The following PRKDC variants were observed in gnomAD, a reference collection of about 807,000 sequenced individuals.
The protein encoded by PRKDC is protein kinase, DNA-activated, catalytic subunit.
PRKDC carries 82 observed loss-of-function variants against 486.9 expected under a neutral mutation model. The ratio of observed to expected loss-of-function variants is 0.17; its 90% CI spans 0.14 to 0.20. The LOEUF (loss-of-function observed/expected upper bound fraction) is 0.20. Among genes scored for constraint, PRKDC ranks in the 10% least tolerant of loss-of-function variants. PRKDC has a pLI of 1.00. For synonymous variants in PRKDC, 1,895 were observed against 1,837.0 expected, an observed-to-expected ratio of 1.03 and a Z score of -0.81; for missense variants, 4,504 against 5,038.2, an observed-to-expected ratio of 0.89 and a Z score of 3.21.
chr8:47,807,109 A>G, intron 69 of PRKDC, 28 bp downstream of exon 69: 1 of 1,600,580 alleles, frequency 6.2e-7, no homozygotes, highest in Non-Finnish European at 8.5e-7. Flanking sequence ...CCTGTGACAC[A>G]GCAGGGAGGA....
intron 77 of PRKDC, among the ~76,000 whole-genome samples, chr8:47,784,401 G>A (rs1331052062): frequency 1.3e-5 from 2 of 152,158 alleles, no homozygotes; most frequent in African/African-American, 4.8e-5. Context: ...AGCTGCATAT[G>A]ACAAGGCTGA....
At chr8:47,785,028 T>A in intron 77 of PRKDC, 85 bp downstream of exon 77, 30 of 1,267,244 alleles carry the variant, frequency 2.4e-5, no homozygotes, top group Non-Finnish European at 3.4e-5. Context: ...AATATCCCAG[T>A]ATCACTATTC....
chr8:47,834,595 T>C (rs1303787553), intron 58 of PRKDC, among the ~76,000 whole-genome samples, 199 bp from the exon 59 acceptor site: 2 of 152,124 alleles, frequency 1.3e-5, no homozygotes, highest in Non-Finnish European at 2.9e-5. Context: ...TGGACCGCAG[T>C]GTCCCCATTT....
At chr8:47,800,175 A>C (rs1419000766) in intron 71 of PRKDC, among the ~76,000 whole-genome samples, 1 of 152,094 alleles carries the variant, frequency 6.6e-6, no homozygotes, top group Non-Finnish European at 1.5e-5. Context: ...TTATTGCGGC[A>C]CTATTCACAA....
intron 14 of PRKDC, 87 bp from the exon 15 acceptor site, chr8:47,934,177 C>A: frequency 7.1e-7 from 1 of 1,413,532 alleles, no homozygotes; most frequent in South Asian, 1.5e-5. Flanking sequence ...TCAGAATTTT[C>A]TAAATTAAAC....
At chr8:47,897,323 T>C (rs924856054) in intron 29 of PRKDC, 29 bp from the exon 30 acceptor site, 6 of 1,525,304 alleles carry the variant, frequency 3.9e-6, no homozygotes, top group Non-Finnish European at 5.3e-6. Context: ...CTGTCATTAG[T>C]CCCTCTCCAA....
In PRKDC at chr8:47,836,360, G is replaced by A. The variant is rs1311830767; in HGVS notation, c.7929C>T (p.Asp2643=). ...TACCTGCAGTCTGTGTCAGTGTGAA[G>A]TCATGCTGCTGCTGGGTGGCCCTTA... The part of the protein sequence containing the change: ...GQIRATQQQH[D]FTLTQTADGR... Residue 2643 remains aspartate (D), a synonymous_variant, in exon 58 of 86, where the codon GAC becomes GAT. Coordinates refer to ENST00000314191, the MANE Select transcript of PRKDC (RefSeq NM_006904.7). The A allele has an allele frequency of 6.2e-7, 1 of 1,601,888 alleles. No individual in the cohort carries two copies. Among genetic ancestry groups the A allele is most frequent in the South Asian group, 1.1e-5 (1 of 89,776 alleles).
chr8:47,834,114 C>A, intron 59 of PRKDC, 82 bp downstream of exon 59: 1 of 1,512,580 alleles, frequency 6.6e-7, no homozygotes, highest in Non-Finnish European at 9.2e-7. Flanking sequence ...AACATGGATA[C>A]AGTCAGAAAT....
chr8:47,805,847 T>C (rs972586722), intron 69 of PRKDC, among the ~76,000 whole-genome samples: 1 of 152,090 alleles, frequency 6.6e-6, no homozygotes, highest in Non-Finnish European at 1.5e-5. Flanking sequence ...TGGATCTCCT[T>C]ACAGAGCACC....
At chr8:47,908,232 T>G (rs556807344) in intron 25 of PRKDC, among the ~76,000 whole-genome samples, 1 of 152,256 alleles carries the variant, frequency 6.6e-6, no homozygotes. Context: ...AATATCATTT[T>G]AATTTGAAGT....
At chr8:47,930,142 G>A (rs1288680190) in intron 17 of PRKDC, 130 bp from the exon 18 acceptor site, 10 of 744,876 alleles carry the variant, frequency 1.3e-5, no homozygotes, top group Non-Finnish European at 1.9e-5. Flanking sequence ...AAAATGTTTA[G>A]TTATATCTAT....
chr8:47,855,139 A>T, intron 50 of PRKDC, 83 bp downstream of exon 50: 1 of 1,277,188 alleles, frequency 7.8e-7, no homozygotes, highest in Non-Finnish European at 1.1e-6. Context: ...TCATGTAATT[A>T]AATTTCACTG....
At chr8:47,901,113 C>T (rs755369437) in intron 27 of PRKDC, among the ~76,000 whole-genome samples, 1 of 150,274 alleles carries the variant, frequency 6.7e-6, no homozygotes, top group Non-Finnish European at 1.5e-5. Context: ...CCCCCCACTG[C>T]ACTCCAGCCT....
Position 47,778,708 on chromosome 8 carries a change from G to A in PRKDC, c.11651+20C>T. 2 of 1,613,552 alleles carry A rather than the reference G, an allele frequency of 1.2e-6. No homozygotes were observed. Among genetic ancestry groups the A allele is most frequent in the Non-Finnish European group, 1.7e-6 (2 of 1,179,680 alleles). On this transcript the variant is annotated intron_variant, in intron 82 of 85. Coordinates refer to ENST00000314191, the MANE Select transcript of PRKDC (RefSeq NM_006904.7). ...CGGCTGCTGTGATCCCACTAAGGGTGAGGGCAGAAGGGTACTTACTTTAAG... is the reference window on the plus strand; with the variant it reads ...CGGCTGCTGTGATCCCACTAAGGGTAAGGGCAGAAGGGTACTTACTTTAAG...
At position 47,800,909 on chromosome 8, in the gene PRKDC, A is replaced by G. The variant is rs996001429; in HGVS notation, c.10000T>C (p.Tyr3334His). 2 of 1,613,828 alleles carry G rather than the reference A, an allele frequency of 1.2e-6. No homozygotes were observed. The highest frequency in any genetic ancestry group is 2.7e-5 in the African/African-American group (2 of 74,914). Residue 3334 changes from tyrosine (Y) to histidine (H), a missense_variant, in exon 71 of 86, where the codon TAC becomes CAC. By Grantham distance (83) the Tyr-to-His change is moderately conservative. Around this residue, in one of 6 missense-constraint regions of PRKDC, gnomAD observed 1,592 missense variants for 1,724.6 expected, o/e 0.92. Coordinates refer to ENST00000314191, the MANE Select transcript of PRKDC (RefSeq NM_006904.7). ...CTGAGAGCATTCGCTATGATCCTGT[A>G]AGTTGTACCCAAGAGAATGTTCTGG... is the stretch of plus-strand genomic sequence containing the variant. The part of the protein sequence containing the change: ...RDQNILLGTT[Y>H]RIIANALSSE...
intron 68 of PRKDC, among the ~76,000 whole-genome samples, chr8:47,812,235 A>G (rs1313125890): frequency 1.3e-5 from 2 of 152,192 alleles, no homozygotes; most frequent in Non-Finnish European, 2.9e-5. Flanking sequence ...TACACAAACA[A>G]GCAGTAAAGA....
In PRKDC at chr8:47,915,481, T is replaced by A. The variant is rs550325419; in HGVS notation, c.2527-63A>T. 5.1e-5 allele frequency: 55 copies of A among 1,085,348 alleles called. 1 individual carries two copies. The East Asian group carries it at 9.8e-4, about 19-fold the overall frequency. The allele number at this position is 1,085,348 out of a possible 1,614,324, so 67.2% of individuals were successfully genotyped here. On this transcript the variant is annotated intron_variant, in intron 22 of 85. Transcript: ENST00000314191. ...TGGGTTAAAGATTAAATAGAAGACATAGGAAAAAACTCTTTGCCACCCACT... is the reference window on the plus strand; with the variant it reads ...TGGGTTAAAGATTAAATAGAAGACAAAGGAAAAAACTCTTTGCCACCCACT...
chr8:47,880,738 T>G (rs1285031829), intron 38 of PRKDC, among the ~76,000 whole-genome samples: 1 of 151,996 alleles, frequency 6.6e-6, no homozygotes, highest in Admixed American at 6.6e-5. Flanking sequence ...TTCATCCAAA[T>G]ATGATAATCT....
At position 47,890,132 on chromosome 8, in the gene PRKDC, A is replaced by T. The variant is rs1048124000; in HGVS notation, c.4071+125T>A. The stretch of plus-strand genomic sequence containing the variant: ...AAGCTGGGTTGAGAGGATGAAATAT[A>T]ATAATAATAATAATAATAATAATAA... On this transcript the variant is annotated intron_variant, in intron 32 of 85. Coordinates refer to ENST00000314191, the MANE Select transcript of PRKDC (RefSeq NM_006904.7). The T allele has an allele frequency of 6.8e-5, 15 of 221,294 alleles. No individual in the cohort carries two copies. In the South Asian group the frequency reaches 2.0e-3, roughly 29 times the overall value. 13.7% of individuals were successfully genotyped at this position (221,294 alleles called of 1,614,324 possible).
Sources: allele counts gnomAD v4.1 joint callset (sites outside exome capture counted in the v4.1 genomes callset), GRCh38; gene constraint gnomAD v4.1.1; regional missense constraint gnomAD v4.1.1; transcripts MANE v1.5; gene names NCBI Gene and HGNC (gene_info 2026-07-23, HGNC 2026-07-21).